Variants in RPTOR observed in about 807,000 individuals in gnomAD.
RPTOR encodes regulatory-associated protein of mTOR.
Under a neutral mutation model 169.9 loss-of-function variants are expected in RPTOR, and 21 were observed. That is an observed-to-expected ratio of 0.12 (90% CI 0.09 to 0.18). RPTOR has a LOEUF of 0.18. Ranked by LOEUF, RPTOR falls within the 10% of genes least tolerant of loss-of-function variation. The probability of loss-of-function intolerance (pLI) is 1.00; values close to 1 mark genes in which losing one functional copy is unlikely to be tolerated. For missense variants in RPTOR, 1,133 were observed against 1,855.9 expected (o/e 0.61, Z 7.16); for synonymous variants, 732 against 753.2 (o/e 0.97, Z 0.46).
intron 1 of RPTOR, among the ~76,000 whole-genome samples, chr17:80,560,610 G>T (rs967485620): frequency 1.3e-5 from 2 of 152,126 alleles, no homozygotes; most frequent in African/African-American, 4.8e-5. Context: ...GAGGAACGGG[G>T]ACGTGCAGGA....
At chr17:80,805,640 G>T (rs1225659734) in intron 7 of RPTOR, 1 of 152,204 alleles carries the variant, frequency 6.6e-6, no homozygotes, top group Non-Finnish European at 1.5e-5. Flanking sequence ...CATGGGCTCA[G>T]ATGTCTTTCT....
chr17:80,961,727 C>T (rs553225715), intron 31 of RPTOR: 35 of 492,250 alleles, frequency 7.1e-5, no homozygotes, highest in Non-Finnish European at 1.1e-4. Context: ...CTGCCAACTG[C>T]GGAGGGTTCC....
intron 20 of RPTOR, among the ~76,000 whole-genome samples, chr17:80,896,998 C>T (rs1212521897): frequency 2.6e-5 from 4 of 152,210 alleles, no homozygotes; most frequent in African/African-American, 7.2e-5. Flanking sequence ...CGGTCCCTCA[C>T]GCCTGTAATC....
At chr17:80,885,655 C>G (rs1295789435) in intron 17 of RPTOR, among the ~76,000 whole-genome samples, 2 of 152,178 alleles carry the variant, frequency 1.3e-5, no homozygotes, top group African/African-American at 4.8e-5. Context: ...GCCATCTCCT[C>G]CTCAGCCTCC....
intron 13 of RPTOR, 51 bp downstream of exon 13, chr17:80,857,951 C>G (rs2067872793): frequency 1.4e-6 from 2 of 1,416,788 alleles, no homozygotes; most frequent in African/African-American, 2.8e-5. Context: ...GCCGGCCCTT[C>G]TGGGGATGCC....
intron 11 of RPTOR, among the ~76,000 whole-genome samples, chr17:80,847,030 G>A (rs914293565): frequency 5.3e-5 from 8 of 152,264 alleles, no homozygotes; most frequent in Non-Finnish European, 8.8e-5. Flanking sequence ...GGAGAGGAGG[G>A]AGGAGGCTCC....
At chr17:80,649,239 G>A (rs1185866510) in intron 3 of RPTOR, among the ~76,000 whole-genome samples, 3 of 152,164 alleles carry the variant, frequency 2.0e-5, no homozygotes, top group African/African-American at 7.2e-5. Context: ...AAGGTGGACC[G>A]TTACTCGCTG....
chr17:80,925,427 C>A lies in RPTOR; in HGVS notation c.2866C>A (p.Gln956Lys). The change falls in exon 24 of 34, where the codon CAG (glutamine) becomes AAG (lysine). Residue 956 changes from glutamine (Q) to lysine (K), a missense_variant. Transcript: ENST00000306801. ...CAAAAGTTTCATCTCCGCCACGGTGCAGACGGGGTTCTGCGACTGGAGCGC... is the reference window on the plus strand; with the variant it reads ...CAAAAGTTTCATCTCCGCCACGGTGAAGACGGGGTTCTGCGACTGGAGCGC... ...GHKSFISATV[Q>K]TGFCDWSARY... is the part of the protein sequence containing the mutation. 6.2e-7 allele frequency: 1 copy of A among 1,613,710 alleles called. No homozygotes were observed.
intron 9 of RPTOR, among the ~76,000 whole-genome samples, chr17:80,836,061 G>C (rs1051656565): frequency 1.6e-4 from 25 of 152,270 alleles, no homozygotes; most frequent in African/African-American, 5.8e-4. Context: ...ACGGATCCTA[G>C]AGAGAGAGCC....
At chr17:80,575,082 T>A (rs2064949972) in intron 1 of RPTOR, among the ~76,000 whole-genome samples, 1 of 152,182 alleles carries the variant, frequency 6.6e-6, no homozygotes, top group Non-Finnish European at 1.5e-5. Context: ...ACCTTATTAG[T>A]TTTCAGCCAT....
At chr17:80,556,482 C>T (rs1180943799) in intron 1 of RPTOR, among the ~76,000 whole-genome samples, 4 of 151,968 alleles carry the variant, frequency 2.6e-5, no homozygotes, top group Non-Finnish European at 5.9e-5. Flanking sequence ...CTGGTGCACT[C>T]CAGCCTGAGT....
At chr17:80,709,937 AT>A (rs553766620) in intron 4 of RPTOR, among the ~76,000 whole-genome samples, 2 of 148,156 alleles carry the variant, frequency 1.3e-5, no homozygotes, top group Non-Finnish European at 3.0e-5. Flanking sequence ...TTATGATGTG[AT>A]TTTTTTTCTT....
chr17:80,929,257 C>T (rs973475621), intron 24 of RPTOR, among the ~76,000 whole-genome samples: 3 of 152,170 alleles, frequency 2.0e-5, no homozygotes, highest in African/African-American at 7.2e-5. Flanking sequence ...GTACAAAATG[C>T]TTGCACGAGC....
chr17:80,810,048 AAAATAAATAAATAAAT>A (rs56853505), intron 7 of RPTOR, among the ~76,000 whole-genome samples: 20,175 of 144,040 alleles, frequency 0.14, 1,531 homozygotes, highest in African/African-American at 0.2. Flanking sequence ...ACTCCATCTC[AAAATAAATAAATAAAT>A]AAATAAATAA....
At chr17:80,634,213 A>G (rs2065466648) in intron 2 of RPTOR, among the ~76,000 whole-genome samples, 1 of 114,298 alleles carries the variant, frequency 8.7e-6, no homozygotes, top group Non-Finnish European at 1.7e-5. Context: ...GTGTGTGCAT[A>G]CTGTGTGCGT....
At chr17:80,832,873 G>A in intron 9 of RPTOR, among the ~76,000 whole-genome samples, 1 of 152,214 alleles carries the variant, frequency 6.6e-6, no homozygotes, top group East Asian at 1.9e-4. Context: ...TGGAGAGGTT[G>A]AATTTTTAGC....
At position 80,845,740 on chromosome 17, in the gene RPTOR, T is replaced by C. The variant is rs559753388; in HGVS notation, c.1213-733T>C. 6.6e-6 allele frequency among the ~76,000 whole-genome samples: 1 copy of C among 152,288 alleles called. No individual in the cohort carries two copies. The highest frequency in any genetic ancestry group is 1.9e-4 in the East Asian group (1 of 5,176). ...TCCAGCCACCACCTGTCTGTCTTGT[T>C]CCCCTTTGCAACCAAAACCAAATTC... On this transcript the variant is annotated intron_variant, in intron 10 of 33. Transcript: ENST00000306801. This position sits in a 1 kb window ranked among gnomAD's most constrained non-coding sequence, Gnocchi z 5.4.
At chr17:80,686,126 C>T (rs1303028184) in intron 3 of RPTOR, among the ~76,000 whole-genome samples, 4 of 151,752 alleles carry the variant, frequency 2.6e-5, no homozygotes, top group Non-Finnish European at 5.9e-5. Context: ...CTGAGTCTTC[C>T]TGTGCCCAGA....
chr17:80,755,647 T>G (rs978892994), intron 6 of RPTOR, among the ~76,000 whole-genome samples: 11 of 147,606 alleles, frequency 7.5e-5, no homozygotes, highest in Non-Finnish European at 1.5e-4. Flanking sequence ...GCTGAGGTAC[T>G]AGAATTGCTC....
Sources: allele counts gnomAD v4.1 joint callset (sites outside exome capture counted in the v4.1 genomes callset), GRCh38; gene constraint gnomAD v4.1.1; non-coding constraint Gnocchi (gnomAD v3.1); transcripts MANE v1.5; gene names NCBI Gene and HGNC (gene_info 2026-07-23, HGNC 2026-07-21).